The following KAT2B variants were observed in gnomAD, a reference collection of about 807,000 sequenced individuals.
The protein encoded by KAT2B is histone acetyltransferase KAT2B.
KAT2B carries 36 observed loss-of-function variants against 105.9 expected under a neutral mutation model. The observed-to-expected ratio is 0.34, with a 90% CI of 0.26 to 0.45. The LOEUF (loss-of-function observed/expected upper bound fraction) is 0.45, where lower values mean the gene tolerates loss of function less well. Among genes scored for constraint, KAT2B ranks in the 20% least tolerant of loss-of-function variants. The pLI is 1.00. For missense variants in KAT2B, 820 were observed against 1,021.6 expected (o/e 0.80, Z 2.69); for synonymous variants, 397 against 377.9 (o/e 1.05, Z -0.59).
chr3:20,141,367 C>G (rs1699691661), intron 13 of KAT2B, among the ~76,000 whole-genome samples: 1 of 111,086 alleles, frequency 9.0e-6, no homozygotes, highest in African/African-American at 4.9e-5. Flanking sequence ...TTTTCTAAGG[C>G]AGAAAAAAAA....
At chr3:20,090,551 G>A (rs942122339) in intron 2 of KAT2B, among the ~76,000 whole-genome samples, 7 of 152,100 alleles carry the variant, frequency 4.6e-5, no homozygotes, top group East Asian at 1.9e-4. Context: ...CCTCTTGCTC[G>A]TGGTGAAGGA....
chr3:20,040,931 C>G (rs558224093), intron 1 of KAT2B, 151 bp downstream of exon 1: 14 of 967,892 alleles, frequency 1.4e-5, no homozygotes, highest in Non-Finnish European at 2.0e-5. Context: ...TCTTGTCGCC[C>G]GCGCCCAATT....
At chr3:20,061,378 A>C (rs1005944477) in intron 1 of KAT2B, among the ~76,000 whole-genome samples, 2 of 152,108 alleles carry the variant, frequency 1.3e-5, no homozygotes, top group African/African-American at 2.4e-5. Context: ...TTCATCTCTT[A>C]AGGGATGCTG....
At chr3:20,115,840 C>T (rs929788575) in intron 7 of KAT2B, among the ~76,000 whole-genome samples, 1 of 152,094 alleles carries the variant, frequency 6.6e-6, no homozygotes, top group African/African-American at 2.4e-5. Flanking sequence ...TTTGCCTTTT[C>T]CAGAATGTCA....
chr3:20,066,548 G>C (rs1258927767), intron 1 of KAT2B, among the ~76,000 whole-genome samples: 2 of 151,952 alleles, frequency 1.3e-5, no homozygotes, highest in Non-Finnish European at 2.9e-5. Flanking sequence ...ACAGGCATGT[G>C]TCACTATGCC....
chr3:20,056,628 G>A (rs1185230498), intron 1 of KAT2B, among the ~76,000 whole-genome samples: 4 of 152,212 alleles, frequency 2.6e-5, no homozygotes, highest in African/African-American at 7.2e-5. Context: ...AGAGAAATAT[G>A]GTCAAAGAGA....
intron 1 of KAT2B, among the ~76,000 whole-genome samples, chr3:20,057,912 C>G (rs1043535562): frequency 6.6e-6 from 1 of 152,172 alleles, no homozygotes; most frequent in African/African-American, 2.4e-5. Flanking sequence ...TCTTATTCAA[C>G]TCCAGCATAA....
intron 7 of KAT2B, among the ~76,000 whole-genome samples, chr3:20,118,272 A>G (rs961942241): frequency 2.1e-5 from 3 of 145,718 alleles, no homozygotes; most frequent in Non-Finnish European, 4.5e-5. Context: ...TAAATATATT[A>G]TTTATATATA....
At chr3:20,123,150 C>T (rs35841175) in intron 9 of KAT2B, among the ~76,000 whole-genome samples, 16,630 of 152,222 alleles carry the variant, frequency 0.11, 1,175 homozygotes, top group Admixed American at 0.16. Context: ...CATTATGCCA[C>T]ATTTGCTACC....
rs1699782920 is a variant in KAT2B, at chr3:20,146,355, C to T, written c.2044C>T (p.Arg682Ter). 7 of 1,612,530 alleles carry T rather than the reference C, an allele frequency of 4.3e-6. No individual in the cohort carries two copies. Among genetic ancestry groups the T allele is most frequent in the Non-Finnish European group, 5.1e-6 (6 of 1,178,906 alleles). ...GATTGAAAGAAAACAGGCACAAATT[C>T]GAAAAGTTTACCCTGGACTTTCATG... The part of the protein sequence containing the change: ...KLIERKQAQI[R>*]KVYPGLSCFK... The change falls in exon 14 of 18, where the codon CGA (arginine) becomes TGA (stop). Residue 682 changes from arginine to a stop codon, truncating the protein, a stop_gained. Transcript: ENST00000263754. LOFTEE classifies it high-confidence loss of function.
At chr3:20,151,812 C>A (rs1254737671) in intron 17 of KAT2B, among the ~76,000 whole-genome samples, 1 of 152,134 alleles carries the variant, frequency 6.6e-6, no homozygotes, top group Non-Finnish European at 1.5e-5. Flanking sequence ...TCATTTGAAT[C>A]ATTTTACATG....
intron 1 of KAT2B, among the ~76,000 whole-genome samples, chr3:20,068,964 G>T (rs773083086): frequency 3.3e-5 from 5 of 152,168 alleles, no homozygotes; most frequent in Non-Finnish European, 7.3e-5. Context: ...ACTAAGAGAG[G>T]TTGGCCCACA....
intron 1 of KAT2B, among the ~76,000 whole-genome samples, chr3:20,054,894 G>A (rs527302416): frequency 6.6e-6 from 1 of 152,306 alleles, no homozygotes; most frequent in East Asian, 1.9e-4. Context: ...GGGGCCTGTG[G>A]CCACTTCTCT....
Position 20,122,081 on chromosome 3 carries a change from C to T in KAT2B, c.1277-587C>T, listed in dbSNP as rs536208582. Reference sequence around the variant, plus strand: ...AAGGAGAAATAATCAAATCAACCAACGGTTGAGGCTTTAAACAAACAACTG... The same window carrying T: ...AAGGAGAAATAATCAAATCAACCAATGGTTGAGGCTTTAAACAAACAACTG... On this transcript the variant is annotated intron_variant, in intron 8 of 17. Transcript: ENST00000263754. 3.9e-5 allele frequency among the ~76,000 whole-genome samples: 6 copies of T among 152,104 alleles called. No individual in the cohort carries two copies. The East Asian group carries it at 5.8e-4, about 15-fold the overall frequency.
intron 10 of KAT2B, 58 bp from the exon 11 acceptor site, chr3:20,127,365 A>G: frequency 2.0e-6 from 3 of 1,504,326 alleles, no homozygotes; most frequent in South Asian, 2.3e-5. Flanking sequence ...GAACACCCCA[A>G]AAAGTATATT....
intron 11 of KAT2B, among the ~76,000 whole-genome samples, chr3:20,130,861 G>A (rs1475158972): frequency 1.3e-5 from 2 of 151,568 alleles, no homozygotes; most frequent in Non-Finnish European, 2.9e-5. Context: ...TTTAGTGTGT[G>A]TGTGTGTGTG....
At chr3:20,061,742 A>G (rs1229041401) in intron 1 of KAT2B, among the ~76,000 whole-genome samples, 1 of 142,638 alleles carries the variant, frequency 7.0e-6, no homozygotes, top group Admixed American at 7.3e-5. Context: ...AATAATATAT[A>G]TGAAAAAATA....
intron 2 of KAT2B, among the ~76,000 whole-genome samples, chr3:20,087,952 A>G (rs6785363): frequency 6.6e-6 from 1 of 151,168 alleles, no homozygotes; most frequent in Non-Finnish European, 1.5e-5. Flanking sequence ...TTAAAAAAAA[A>G]TTTTTTTTTG....
At chr3:20,112,311 C>T (rs771629729) in intron 6 of KAT2B, among the ~76,000 whole-genome samples, 15 of 152,082 alleles carry the variant, frequency 9.9e-5, no homozygotes, top group Admixed American at 2.6e-4. Flanking sequence ...GCTCCTTCAG[C>T]GTGATGAACC....
Sources: gnomAD v4.1 joint callset for allele counts (sites outside exome capture counted in the v4.1 genomes callset) on GRCh38, gnomAD v4.1.1 for gene constraint, MANE v1.5 for transcripts, NCBI Gene and HGNC (gene_info 2026-07-23, HGNC 2026-07-21) for gene names.